The following ASCC3 variants were observed in gnomAD, a reference collection of about 807,000 sequenced individuals.
ASCC3 encodes ASC-1 complex subunit P200.
In ASCC3, 158 loss-of-function variants were observed where a neutral mutation model predicts 256.3. The ratio of observed to expected loss-of-function variants is 0.62; its 90% CI spans 0.54 to 0.70. The LOEUF (loss-of-function observed/expected upper bound fraction) is 0.70, where lower values mean the gene tolerates loss of function less well. ASCC3 is among the 30% of genes least tolerant of loss of function. The pLI is 0.00. For synonymous variants in ASCC3, 948 were observed against 883.4 expected, an observed-to-expected ratio of 1.07 and a Z score of -1.30; for missense variants, 2,259 against 2,626.0, an observed-to-expected ratio of 0.86 and a Z score of 3.05.
chr6:100,869,060 G>C (rs902615331), intron 1 of ASCC3, among the ~76,000 whole-genome samples: 2 of 152,210 alleles, frequency 1.3e-5, no homozygotes, highest in South Asian at 4.1e-4. Flanking sequence ...CATAAGCTAT[G>C]TAAGTCTTTA....
At chr6:100,694,311 TA>T (rs369515563) in intron 13 of ASCC3, among the ~76,000 whole-genome samples, 4,495 of 130,628 alleles carry the variant, frequency 0.034, 164 homozygotes, top group East Asian at 0.2. Context: ...TAGAATAAAT[TA>T]AAAAAAAAAA....
chr6:100,697,249 A>C (rs1246972520), intron 13 of ASCC3, among the ~76,000 whole-genome samples: 1 of 152,052 alleles, frequency 6.6e-6, no homozygotes, highest in Non-Finnish European at 1.5e-5. Context: ...TAAAAAAAAA[A>C]TAGTACCTAG....
intron 4 of ASCC3, among the ~76,000 whole-genome samples, chr6:100,831,184 T>G (rs1284800660): frequency 6.6e-6 from 1 of 151,952 alleles, no homozygotes; most frequent in African/African-American, 2.4e-5. Context: ...ACTTTTAAAT[T>G]TCTTCTAAAA....
chr6:100,517,110 G>A (rs138880801), intron 38 of ASCC3, among the ~76,000 whole-genome samples: 49 of 152,180 alleles, frequency 3.2e-4, no homozygotes, highest in Non-Finnish European at 5.6e-4. Flanking sequence ...TTAGTTTCTA[G>A]GGACATCCCA....
At chr6:100,796,574 AG>A (rs1562302535) in intron 8 of ASCC3, among the ~76,000 whole-genome samples, 1 of 152,126 alleles carries the variant, frequency 6.6e-6, no homozygotes, top group Non-Finnish European at 1.5e-5. Context: ...CTGAAAAAAG[AG>A]GAAGAAACAC....
At chr6:100,642,314 G>A (rs959042492) in intron 24 of ASCC3, among the ~76,000 whole-genome samples, 2 of 151,972 alleles carry the variant, frequency 1.3e-5, no homozygotes, top group African/African-American at 2.4e-5. Flanking sequence ...AAGATGGGGG[G>A]AAATTCCCCA....
intron 13 of ASCC3, among the ~76,000 whole-genome samples, chr6:100,683,597 A>C (rs1238002800): frequency 6.6e-6 from 1 of 152,112 alleles, no homozygotes; most frequent in African/African-American, 2.4e-5. Context: ...AATCACAAGT[A>C]ATAGGACAGC....
At chr6:100,705,048 A>G (rs1778517126) in intron 13 of ASCC3, among the ~76,000 whole-genome samples, 1 of 152,090 alleles carries the variant, frequency 6.6e-6, no homozygotes, top group Non-Finnish European at 1.5e-5. Context: ...TAACACAAAG[A>G]GAAGCTTACA....
intron 37 of ASCC3, among the ~76,000 whole-genome samples, chr6:100,534,338 A>G (rs536183651): frequency 1.3e-5 from 2 of 152,362 alleles, no homozygotes; most frequent in East Asian, 3.9e-4. Flanking sequence ...GACATTTATC[A>G]TTAGTTCTGG....
intron 14 of ASCC3, among the ~76,000 whole-genome samples, chr6:100,679,377 T>A (rs1260169510): frequency 1.3e-5 from 2 of 152,164 alleles, no homozygotes; most frequent in African/African-American, 2.4e-5. Flanking sequence ...TTTAACTATA[T>A]TTTAAAGAGC....
chr6:100,848,024 C>T (rs1233008145), intron 4 of ASCC3, 124 bp downstream of exon 4: 6 of 935,536 alleles, frequency 6.4e-6, no homozygotes, highest in Non-Finnish European at 1.5e-6. Context: ...AACCATTTGG[C>T]TATAGATTCA....
chr6:100,836,303 A>AAAAGTGGGCATCCTCATCTT (rs1771871718), intron 4 of ASCC3, among the ~76,000 whole-genome samples: 1 of 149,292 alleles, frequency 6.7e-6, no homozygotes, highest in Non-Finnish European at 1.5e-5. Flanking sequence ...TAGAAGTGGC[A>AAAAGTGGGCATCCTCATCTT]AAAGTGGGCA....
At chr6:100,716,681 A>G (rs1025966051) in intron 12 of ASCC3, among the ~76,000 whole-genome samples, 2 of 151,976 alleles carry the variant, frequency 1.3e-5, no homozygotes, top group Admixed American at 1.3e-4. Context: ...CAAAGCCATT[A>G]TTCCAAATTA....
At chr6:100,608,118 C>CATATATATGTATATATAGA (rs1773044100) in intron 30 of ASCC3, among the ~76,000 whole-genome samples, 4 of 23,356 alleles carry the variant, frequency 1.7e-4, no homozygotes, top group African/African-American at 2.4e-4. Context: ...GTATATATAT[C>CATATATATGTATATATAGA]TATATATACA....
chr6:100,619,716 A>G (rs1773851284), intron 30 of ASCC3, among the ~76,000 whole-genome samples: 1 of 152,164 alleles, frequency 6.6e-6, no homozygotes, highest in Non-Finnish European at 1.5e-5. Flanking sequence ...TTATATATCA[A>G]CATATTTTAA....
intron 10 of ASCC3, among the ~76,000 whole-genome samples, chr6:100,731,926 C>T (rs1048742122): frequency 6.6e-6 from 1 of 152,014 alleles, no homozygotes; most frequent in Non-Finnish European, 1.5e-5. Context: ...CTTTGGGAGG[C>T]CAAGGTGGGC....
chr6:100,601,798 C>T lies in ASCC3; in HGVS notation c.5303+12G>A. ...GCAAAACAGAAAGGTATATAACTGCCCTTGCACTTACCTGGGATTCATGAT... is the reference window on the plus strand; with the variant it reads ...GCAAAACAGAAAGGTATATAACTGCTCTTGCACTTACCTGGGATTCATGAT... On this transcript the variant is annotated intron_variant, in intron 34 of 41. Transcript: ENST00000369162. 4 of 1,611,460 alleles carry T rather than the reference C, an allele frequency of 2.5e-6. No individual in the cohort carries two copies. In the South Asian group the frequency reaches 4.4e-5, roughly 18 times the overall value.
intron 14 of ASCC3, among the ~76,000 whole-genome samples, chr6:100,667,145 C>T (rs1417387119): frequency 1.3e-5 from 2 of 152,138 alleles, no homozygotes; most frequent in Non-Finnish European, 2.9e-5. Flanking sequence ...GGCAGGGTGC[C>T]TTCTTCATAC....
chr6:100,862,420 A>AT (rs1051319288), intron 3 of ASCC3, among the ~76,000 whole-genome samples: 31 of 152,336 alleles, frequency 2.0e-4, no homozygotes, highest in Non-Finnish European at 3.7e-4. Flanking sequence ...TAAATGACAT[A>AT]TTTTAAAAAG....
Sources: allele counts gnomAD v4.1 joint callset (sites outside exome capture counted in the v4.1 genomes callset), GRCh38; gene constraint gnomAD v4.1.1; transcripts MANE v1.5; gene names NCBI Gene and HGNC (gene_info 2026-07-23, HGNC 2026-07-21).